Variants in ZNF730 observed in about 807,000 individuals in gnomAD.
ZNF730 encodes the protein zinc finger protein 730.
Under a neutral mutation model 12.6 loss-of-function variants are expected in ZNF730, and 12 were observed. That is an observed-to-expected ratio of 0.95 (90% confidence interval 0.61 to 1.54). The LOEUF is 1.54. Ranked by LOEUF, ZNF730 falls within the 40% of genes most tolerant of loss-of-function variation. ZNF730 has a pLI of 0.00. For synonymous variants in ZNF730, 194 were observed against 195.8 expected (o/e 0.99, Z 0.08); for missense variants, 643 against 583.5 (o/e 1.10, Z -1.05).
chr19:23,076,509 T>C (rs535090199), intron 1 of ZNF730, among the ~76,000 whole-genome samples: 2 of 152,294 alleles, frequency 1.3e-5, no homozygotes, highest in South Asian at 4.1e-4. Flanking sequence ...CAGAACTGTC[T>C]TAACCAACCC....
chr19:23,091,827 G>A (rs755981936), intron 1 of ZNF730, among the ~76,000 whole-genome samples: 1 of 152,152 alleles, frequency 6.6e-6, no homozygotes, highest in Non-Finnish European at 1.5e-5. Flanking sequence ...TCTCAGATGA[G>A]ACTTTGGACT....
chr19:23,145,189 G>A, intron 3 of ZNF730, 82 bp from the exon 4 acceptor site: 2 of 976,758 alleles, frequency 2.0e-6, no homozygotes, highest in Non-Finnish European at 2.8e-6. Context: ...TTGTTATGTA[G>A]TTTGTATAAC....
In ZNF730 at chr19:23,146,107, C is replaced by T; in HGVS notation, c.1063C>T (p.Leu355Phe). 2 of 1,610,154 alleles carry T rather than the reference C, an allele frequency of 1.2e-6. No homozygotes were observed. The highest frequency in any genetic ancestry group is 1.7e-6 in the Non-Finnish European group (2 of 1,178,010). ...CAAAGCTTTTAACCGATCCTCAACC[C>T]TTAATAGACATAAGATAACTCATAC... ...CGKAFNRSST[L>F]NRHKITHTGG... Residue 355 changes from leucine (L) to phenylalanine (F), a missense_variant, in exon 4 of 4, where the codon CTT becomes TTT. Transcript: ENST00000597761.
intron 1 of ZNF730, among the ~76,000 whole-genome samples, chr19:23,082,246 G>A (rs891013141): frequency 6.6e-6 from 1 of 151,708 alleles, no homozygotes; most frequent in African/African-American, 2.4e-5. Flanking sequence ...CAGAGTCCTC[G>A]TATGAGTAAA....
chr19:23,143,324 C>T (rs117983648), intron 3 of ZNF730, among the ~76,000 whole-genome samples: 17 of 151,872 alleles, frequency 1.1e-4, no homozygotes, highest in African/African-American at 2.4e-4. Context: ...TTCCTTATTA[C>T]ATCTGCCTTG....
At chr19:23,090,919 C>T (rs1343720916) in intron 1 of ZNF730, among the ~76,000 whole-genome samples, 2 of 151,974 alleles carry the variant, frequency 1.3e-5, no homozygotes, top group South Asian at 2.1e-4. Context: ...ATTACTTGAA[C>T]CCAGGAGGCG....
intron 1 of ZNF730, among the ~76,000 whole-genome samples, chr19:23,081,043 G>A (rs375759861): frequency 1.3e-5 from 2 of 150,702 alleles, no homozygotes; most frequent in South Asian, 2.1e-4. Flanking sequence ...ACAGTGTTTC[G>A]CCATGTTGGC....
intron 1 of ZNF730, among the ~76,000 whole-genome samples, chr19:23,106,719 G>T (rs1599581858): frequency 1.3e-5 from 2 of 151,762 alleles, no homozygotes; most frequent in Admixed American, 1.3e-4. Context: ...TGAACCCAGA[G>T]GTGTATGTTA....
chr19:23,081,997 C>CA (rs1969973869), intron 1 of ZNF730, among the ~76,000 whole-genome samples: 2 of 152,196 alleles, frequency 1.3e-5, no homozygotes, highest in African/African-American at 4.8e-5. Flanking sequence ...TCTCTTGTCT[C>CA]AGTCTTTCAC....
chr19:23,129,962 C>G (rs1970726068), intron 1 of ZNF730, among the ~76,000 whole-genome samples: 1 of 150,048 alleles, frequency 6.7e-6, no homozygotes, highest in Non-Finnish European at 1.5e-5. Context: ...CCACTGCACT[C>G]CAGCCTGGGT....
At chr19:23,122,181 G>T (rs757965321) in intron 1 of ZNF730, among the ~76,000 whole-genome samples, 1 of 108,000 alleles carries the variant, frequency 9.3e-6, no homozygotes, top group Non-Finnish European at 1.7e-5. Context: ...CACTCTTGTC[G>T]CCCAGGCTGG....
intron 1 of ZNF730, among the ~76,000 whole-genome samples, chr19:23,124,347 C>T (rs371318739): frequency 6.6e-6 from 1 of 152,164 alleles, no homozygotes; most frequent in South Asian, 2.1e-4. Context: ...ACAAAGTATC[C>T]AGAGCCATAA....
chr19:23,123,422 T>C (rs2145616089), intron 1 of ZNF730: 1 of 152,200 alleles, frequency 6.6e-6, no homozygotes, highest in South Asian at 2.1e-4. Flanking sequence ...TACAAAAAAT[T>C]AGCCAGGAGT....
intron 3 of ZNF730, among the ~76,000 whole-genome samples, chr19:23,139,061 CTGAAGTAAATTAGA>C: frequency 6.6e-6 from 1 of 151,972 alleles, no homozygotes; most frequent in African/African-American, 2.4e-5. Context: ...CATGTTATGT[CTGAAGTAAATTAGA>C]TAATTAGTAG....
intron 1 of ZNF730, among the ~76,000 whole-genome samples, chr19:23,084,592 C>G (rs1970025955): frequency 6.6e-6 from 1 of 152,132 alleles, no homozygotes; most frequent in Non-Finnish European, 1.5e-5. Context: ...AGTTATTTTT[C>G]CTGATCCTTT....
chr19:23,107,372 T>G (rs1414077256), intron 1 of ZNF730, among the ~76,000 whole-genome samples: 1 of 142,680 alleles, frequency 7.0e-6, no homozygotes, highest in Non-Finnish European at 1.5e-5. Context: ...TCAATAAGAC[T>G]TATGACACCC....
intron 1 of ZNF730, among the ~76,000 whole-genome samples, chr19:23,105,999 A>C (rs1970388626): frequency 6.6e-6 from 1 of 152,252 alleles, no homozygotes; most frequent in East Asian, 1.9e-4. Context: ...AAAGTTATAG[A>C]GATTGATTAT....
intron 2 of ZNF730, among the ~76,000 whole-genome samples, chr19:23,134,513 G>T (rs1970797013): frequency 1.4e-5 from 2 of 146,748 alleles, no homozygotes; most frequent in Admixed American, 6.7e-5. Flanking sequence ...GCCCCGTCCG[G>T]GAGGTGAGGG....
At chr19:23,107,435 TA>T (rs201904764) in intron 1 of ZNF730, among the ~76,000 whole-genome samples, 11,678 of 62,208 alleles carry the variant, frequency 0.19, 718 homozygotes, top group Non-Finnish European at 0.21. Flanking sequence ...GTCTCTACTT[TA>T]AAAAAAAAAT....
Sources: gnomAD v4.1 joint callset for allele counts (sites outside exome capture counted in the v4.1 genomes callset) on GRCh38, gnomAD v4.1.1 for gene constraint, MANE v1.5 for transcripts, NCBI Gene and HGNC (gene_info 2026-07-23, HGNC 2026-07-21) for gene names.